The following CNTNAP2 variants were observed in gnomAD, a reference collection of about 807,000 sequenced individuals.
CNTNAP2 encodes contactin-associated protein-like 2.
In CNTNAP2, 98 loss-of-function variants were observed where a neutral mutation model predicts 155.2. The ratio of observed to expected loss-of-function variants is 0.63; its 90% CI spans 0.54 to 0.75. The LOEUF (loss-of-function observed/expected upper bound fraction) is 0.75, where lower values mean the gene tolerates loss of function less well. Ranked by LOEUF, CNTNAP2 falls within the 30% of genes least tolerant of loss-of-function variation. The probability of loss-of-function intolerance (pLI) is 0.00; values close to 1 mark genes in which losing one functional copy is unlikely to be tolerated. For synonymous variants in CNTNAP2, 651 were observed against 631.2 expected, an observed-to-expected ratio of 1.03 and a Z score of -0.47; for missense variants, 1,727 against 1,688.1, an observed-to-expected ratio of 1.02 and a Z score of -0.40.
Position 146,436,544 on chromosome 7 carries a change from T to A in CNTNAP2, c.97+319571T>A, listed in dbSNP as rs117188638. On this transcript the variant is annotated intron_variant, in intron 1 of 23. Coordinates refer to ENST00000361727, the MANE Select transcript of CNTNAP2 (RefSeq NM_014141.6). ...AGATAATAGGAAAATTTAAAATAAT[T>A]CACATACTTATAAAATACAATAGGT... is the stretch of plus-strand genomic sequence containing the variant. Among the ~76,000 whole-genome samples, 65 of 152,240 alleles carry A rather than the reference T, an allele frequency of 4.3e-4. 1 individual carries two copies. In the East Asian group the frequency reaches 0.012, roughly 27 times the overall value.
chr7:146,290,345 C>G (rs1800409487), intron 1 of CNTNAP2, among the ~76,000 whole-genome samples: 1 of 152,160 alleles, frequency 6.6e-6, no homozygotes, highest in Non-Finnish European at 1.5e-5. Flanking sequence ...CAAACCCTAT[C>G]AGTTATGGAG....
At chr7:148,208,989 G>A (rs2116742359) in intron 18 of CNTNAP2, among the ~76,000 whole-genome samples, 1 of 152,156 alleles carries the variant, frequency 6.6e-6, no homozygotes, top group South Asian at 2.1e-4. Flanking sequence ...TTCTCCCAGG[G>A]AATTCTATCC....
chr7:148,375,774 C>CTCATAATATCACATCGCCCTCCCCAAAA (rs1585319970), intron 21 of CNTNAP2, among the ~76,000 whole-genome samples: 9 of 76,478 alleles, frequency 1.2e-4, no homozygotes, highest in South Asian at 7.9e-4. Flanking sequence ...GCAGGTGGAT[C>CTCATAATATCACATCGCCCTCCCCAAAA]ACGAGGTCAG....
intron 19 of CNTNAP2, among the ~76,000 whole-genome samples, chr7:148,229,128 G>T (rs954691113): frequency 2.6e-5 from 4 of 152,186 alleles, no homozygotes; most frequent in Admixed American, 6.5e-5. Flanking sequence ...ATATGTGCGA[G>T]CCTGGTGCTG....
chr7:147,114,395 A>G (rs1800943031), intron 5 of CNTNAP2, among the ~76,000 whole-genome samples: 1 of 152,116 alleles, frequency 6.6e-6, no homozygotes, highest in African/African-American at 2.4e-5. Flanking sequence ...GATCTGTCTA[A>G]TATTGTCAGT....
chr7:147,480,780 A>G (rs1299674009), intron 10 of CNTNAP2, among the ~76,000 whole-genome samples: 2 of 152,160 alleles, frequency 1.3e-5, no homozygotes, highest in Non-Finnish European at 2.9e-5. Flanking sequence ...CCCCCGCTGC[A>G]GAGAAGTGCG....
intron 3 of CNTNAP2, among the ~76,000 whole-genome samples, chr7:147,019,508 C>T (rs1045822927): frequency 6.6e-6 from 1 of 151,960 alleles, no homozygotes; most frequent in Non-Finnish European, 1.5e-5. Context: ...AGAAGGGCTT[C>T]CTTTATAGGT....
intron 13 of CNTNAP2, among the ~76,000 whole-genome samples, chr7:147,879,184 C>T (rs1028871616): frequency 2.6e-5 from 4 of 152,100 alleles, no homozygotes; most frequent in African/African-American, 7.2e-5. Context: ...AGGGGATTTC[C>T]GACAGCTTCT....
intron 13 of CNTNAP2, among the ~76,000 whole-genome samples, chr7:147,884,574 G>C (rs963221046): frequency 5.3e-5 from 8 of 151,970 alleles, no homozygotes; most frequent in African/African-American, 1.9e-4. Context: ...TAATCAAAAG[G>C]CTAACGAAAC....
chr7:146,714,437 A>G (rs563858253), intron 1 of CNTNAP2, among the ~76,000 whole-genome samples: 6 of 152,358 alleles, frequency 3.9e-5, no homozygotes, highest in Admixed American at 3.3e-4. Context: ...AGGTGGAACC[A>G]TTTCAGACTG....
intron 3 of CNTNAP2, among the ~76,000 whole-genome samples, chr7:146,918,470 C>T (rs982748281): frequency 6.6e-6 from 1 of 152,042 alleles, no homozygotes; most frequent in African/African-American, 2.4e-5. Flanking sequence ...CAATTCTTGC[C>T]TGACAATGTT....
At chr7:146,836,470 C>A (rs1312838133) in intron 2 of CNTNAP2, among the ~76,000 whole-genome samples, 3 of 152,108 alleles carry the variant, frequency 2.0e-5, no homozygotes, top group Non-Finnish European at 4.4e-5. Context: ...TGTTTGCTGA[C>A]CCTTGATCTA....
rs79167070 is a variant in CNTNAP2, at chr7:147,321,478, G to C, written c.1498+21188G>C. On this transcript the variant is annotated intron_variant, in intron 9 of 23. Coordinates refer to ENST00000361727, the MANE Select transcript of CNTNAP2 (RefSeq NM_014141.6). ...TTAACCCTTTCAAGCTTCTGAATTA[G>C]GGATTTTCCATCATTTTAGACTGTC... Among the ~76,000 whole-genome samples the C allele has an allele frequency of 7.8e-3, 1,186 of 152,124 alleles. 19 individuals are homozygous for C. Among genetic ancestry groups the C allele is most frequent in the African/African-American group, 0.027 (1,123 of 41,506 alleles).
intron 12 of CNTNAP2, among the ~76,000 whole-genome samples, chr7:147,568,023 T>C (rs1800209024): frequency 6.6e-6 from 1 of 152,086 alleles, no homozygotes; most frequent in Non-Finnish European, 1.5e-5. Flanking sequence ...GGGGCAGAGG[T>C]TCCAGTGAGC....
chr7:146,394,544 G>T (rs2129107041), intron 1 of CNTNAP2, among the ~76,000 whole-genome samples: 1 of 152,140 alleles, frequency 6.6e-6, no homozygotes, highest in East Asian at 1.9e-4. Flanking sequence ...ACCTTGGCCT[G>T]TATACACTTT....
intron 8 of CNTNAP2, among the ~76,000 whole-genome samples, chr7:147,275,924 T>C (rs1804885368): frequency 6.6e-6 from 1 of 152,042 alleles, no homozygotes; most frequent in African/African-American, 2.4e-5. Flanking sequence ...GTTGATCATA[T>C]GGGTTTTTTT....
intron 12 of CNTNAP2, among the ~76,000 whole-genome samples, chr7:147,612,973 A>C (rs1005105314): frequency 6.6e-6 from 1 of 152,162 alleles, no homozygotes. Flanking sequence ...GTTTTTATTT[A>C]CTATTGCAAA....
intron 8 of CNTNAP2, among the ~76,000 whole-genome samples, chr7:147,207,765 C>T (rs1803052064): frequency 6.6e-6 from 1 of 151,958 alleles, no homozygotes; most frequent in Non-Finnish European, 1.5e-5. Flanking sequence ...AAAATAAATG[C>T]TAAGTTGGAA....
intron 1 of CNTNAP2, among the ~76,000 whole-genome samples, chr7:146,260,955 C>T (rs764613628): frequency 5.9e-5 from 9 of 152,088 alleles, no homozygotes; most frequent in South Asian, 2.1e-4. Context: ...GTAATCCCCA[C>T]GTTTTGAGGG....
Sources: gnomAD v4.1 joint callset for allele counts (sites outside exome capture counted in the v4.1 genomes callset) on GRCh38, gnomAD v4.1.1 for gene constraint, MANE v1.5 for transcripts, NCBI Gene and HGNC (gene_info 2026-07-23, HGNC 2026-07-21) for gene names.